CNTNAP2: variants seen among roughly 807,000 people sequenced by gnomAD.
CNTNAP2 encodes contactin-associated protein-like 2.
CNTNAP2 carries 98 observed loss-of-function variants against 155.2 expected under a neutral mutation model. The observed-to-expected ratio is 0.63, with a 90% CI of 0.54 to 0.75. The LOEUF is 0.75. CNTNAP2 is among the 30% of genes least tolerant of loss of function. The probability of loss-of-function intolerance (pLI) is 0.00; values close to 1 mark genes in which losing one functional copy is unlikely to be tolerated. For synonymous variants in CNTNAP2, 651 were observed against 631.2 expected, an observed-to-expected ratio of 1.03 and a Z score of -0.47; for missense variants, 1,727 against 1,688.1, an observed-to-expected ratio of 1.02 and a Z score of -0.40.
chr7:146,343,008 G>C (rs750065899), intron 1 of CNTNAP2, among the ~76,000 whole-genome samples: 3 of 152,054 alleles, frequency 2.0e-5, no homozygotes, highest in African/African-American at 2.4e-5. Flanking sequence ...TCCACACTTG[G>C]GATCTAGAAA....
rs567752646 is a variant in CNTNAP2 at position 146,846,605 on chromosome 7, T to G, written c.402+6701T>G. ...TTTTGATCACCTTTCTAAATACACA[T>G]TTGTATGGTGAGATTCTCATTTTCA... On this transcript the variant is annotated intron_variant, in intron 3 of 23. Coordinates refer to ENST00000361727, the MANE Select transcript of CNTNAP2 (RefSeq NM_014141.6). 2.7e-3 allele frequency among the ~76,000 whole-genome samples: 406 copies of G among 152,264 alleles called. 2 individuals carry two copies. The highest frequency in any genetic ancestry group is 4.5e-3 in the Non-Finnish European group (305 of 67,998).
At chr7:146,958,899 C>A (rs1407121324) in intron 3 of CNTNAP2, among the ~76,000 whole-genome samples, 1 of 152,060 alleles carries the variant, frequency 6.6e-6, no homozygotes, top group Non-Finnish European at 1.5e-5. Flanking sequence ...CTCTTCTTAT[C>A]ATTTTTCTTA....
At chr7:147,912,282 C>G (rs549910820) in intron 14 of CNTNAP2, among the ~76,000 whole-genome samples, 6 of 152,298 alleles carry the variant, frequency 3.9e-5, no homozygotes, top group Non-Finnish European at 7.4e-5. Context: ...CAAGCACACA[C>G]AGATAAGGGT....
At chr7:146,281,869 G>C (rs1390878430) in intron 1 of CNTNAP2, among the ~76,000 whole-genome samples, 1 of 152,102 alleles carries the variant, frequency 6.6e-6, no homozygotes, top group Non-Finnish European at 1.5e-5. Flanking sequence ...GGATTCTAGT[G>C]AGGATAAAAT....
intron 21 of CNTNAP2, among the ~76,000 whole-genome samples, chr7:148,321,595 G>T (rs892342371): frequency 3.9e-5 from 6 of 152,188 alleles, no homozygotes; most frequent in Non-Finnish European, 5.9e-5. Flanking sequence ...CTCCCCAAAA[G>T]CAGCGTTGAG....
intron 3 of CNTNAP2, among the ~76,000 whole-genome samples, chr7:146,860,233 GT>G (rs1795072411): frequency 6.6e-6 from 1 of 152,228 alleles, no homozygotes; most frequent in Admixed American, 6.5e-5. Flanking sequence ...TATGCAGTAT[GT>G]TTTTAAAAAG....
chr7:148,128,663 A>T (rs1197137618), intron 16 of CNTNAP2, among the ~76,000 whole-genome samples: 2 of 152,192 alleles, frequency 1.3e-5, no homozygotes, highest in Non-Finnish European at 2.9e-5. Context: ...AGTTATGAAG[A>T]TGGATTTTAG....
chr7:146,519,689 G>C (rs1478581255), intron 1 of CNTNAP2, among the ~76,000 whole-genome samples: 1 of 151,810 alleles, frequency 6.6e-6, no homozygotes, highest in African/African-American at 2.4e-5. Context: ...GTAAAGACAA[G>C]GAATCAAAGC....
rs574540884 is a variant in CNTNAP2 at position 146,712,958 on chromosome 7, C to T, written c.98-61313C>T. Among the ~76,000 whole-genome samples the T allele has an allele frequency of 1.2e-3, 182 of 151,906 alleles. 1 individual carries two copies. Among genetic ancestry groups the T allele is most frequent in the African/African-American group, 4.1e-3 (168 of 41,446 alleles). Reference sequence around the variant, plus strand: ...CATTCCCTTAATGTTGATTTCTTCACGCTGACCTGTACCCCTCCCTTAAAA... The same window carrying T: ...CATTCCCTTAATGTTGATTTCTTCATGCTGACCTGTACCCCTCCCTTAAAA... On this transcript the variant is annotated intron_variant, in intron 1 of 23. Transcript: ENST00000361727.
chr7:147,346,968 T>A (rs1463398774), intron 9 of CNTNAP2, among the ~76,000 whole-genome samples: 1 of 152,178 alleles, frequency 6.6e-6, no homozygotes, highest in Non-Finnish European at 1.5e-5. Flanking sequence ...ATTCATTCAT[T>A]ATCCTATTAT....
At chr7:146,301,874 C>A (rs1440194406) in intron 1 of CNTNAP2, among the ~76,000 whole-genome samples, 1 of 152,128 alleles carries the variant, frequency 6.6e-6, no homozygotes, top group African/African-American at 2.4e-5. Context: ...TGGTAAACCT[C>A]TTGTCAACTA....
intron 18 of CNTNAP2, among the ~76,000 whole-genome samples, chr7:148,204,987 A>G (rs4421277): frequency 0.76 from 116,353 of 152,230 alleles, 45,430 homozygotes; most frequent in Non-Finnish European, 0.84. Context: ...ATTGGCACCT[A>G]TTGGAACTCA....
At chr7:147,881,773 C>G (rs557498240) in intron 13 of CNTNAP2, among the ~76,000 whole-genome samples, 7 of 152,220 alleles carry the variant, frequency 4.6e-5, no homozygotes, top group African/African-American at 1.7e-4. Context: ...GAGTTTGAGA[C>G]CAGCCTGGCC....
chr7:147,204,179 A>G (rs915014098), intron 8 of CNTNAP2, among the ~76,000 whole-genome samples: 2 of 152,006 alleles, frequency 1.3e-5, no homozygotes, highest in South Asian at 4.1e-4. Flanking sequence ...AAAATAAGAG[A>G]GCAGCTTATG....
At chr7:146,663,373 T>A (rs1563178248) in intron 1 of CNTNAP2, among the ~76,000 whole-genome samples, 1 of 150,366 alleles carries the variant, frequency 6.7e-6, no homozygotes, top group South Asian at 2.1e-4. Flanking sequence ...ACTTTCTCAT[T>A]TTTTTTTTAA....
chr7:147,378,780 G>A (rs183828939), intron 9 of CNTNAP2, among the ~76,000 whole-genome samples: 4 of 152,010 alleles, frequency 2.6e-5, no homozygotes, highest in Admixed American at 6.6e-5. Flanking sequence ...TAACTAATGC[G>A]TTTTTAATTC....
chr7:146,806,598 A>G (rs145788526), intron 2 of CNTNAP2, among the ~76,000 whole-genome samples: 39 of 152,252 alleles, frequency 2.6e-4, no homozygotes, highest in Admixed American at 6.5e-4. Flanking sequence ...TAATTTGCCT[A>G]TTTATCAAAT....
chr7:148,221,842 C>G (rs6949966), intron 19 of CNTNAP2, among the ~76,000 whole-genome samples: 20,250 of 152,252 alleles, frequency 0.13, 1,615 homozygotes, highest in East Asian at 0.28. Flanking sequence ...CCCAGGCAAA[C>G]AAGTCCTGTG....
chr7:147,602,681 T>C (rs1205515402), intron 12 of CNTNAP2, among the ~76,000 whole-genome samples: 1 of 146,398 alleles, frequency 6.8e-6, no homozygotes, highest in Middle Eastern at 3.2e-3. Context: ...GATGTTCCCC[T>C]TCCTGTGTCC....
Sources: gnomAD v4.1 joint callset for allele counts (sites outside exome capture counted in the v4.1 genomes callset) on GRCh38, gnomAD v4.1.1 for gene constraint, MANE v1.5 for transcripts, NCBI Gene and HGNC (gene_info 2026-07-23, HGNC 2026-07-21) for gene names.